The following TRERF1 variants were observed in gnomAD, a reference collection of about 807,000 sequenced individuals.
The protein encoded by TRERF1 is transcriptional-regulating factor 1.
A neutral mutation model predicts 122.9 loss-of-function variants in TRERF1; 27 were observed. That is an observed-to-expected ratio of 0.22 (90% CI 0.16 to 0.30). TRERF1 has a LOEUF of 0.30. Among genes scored for constraint, TRERF1 ranks in the 10% least tolerant of loss-of-function variants. The probability of loss-of-function intolerance (pLI) is 1.00; values close to 1 mark genes in which losing one functional copy is unlikely to be tolerated. For synonymous variants in TRERF1, 636 were observed against 641.7 expected (o/e 0.99, Z 0.13); for missense variants, 1,248 against 1,560.3 (o/e 0.80, Z 3.37).
chr6:42,315,527 G>GGTAGAGGC (rs1194167292), intron 3 of TRERF1, among the ~76,000 whole-genome samples: 1 of 152,158 alleles, frequency 6.6e-6, no homozygotes, highest in Non-Finnish European at 1.5e-5. Flanking sequence ...CAGAAGCAGG[G>GGTAGAGGC]GTAGAGGCAA....
Position 42,341,576 on chromosome 6 carries a change from T to C in TRERF1, c.-371+21421A>G, listed in dbSNP as rs114407830. Among the ~76,000 whole-genome samples the C allele has an allele frequency of 1.9e-3, 294 of 152,324 alleles. 1 individual carries two copies. Among genetic ancestry groups the C allele is most frequent in the African/African-American group, 6.5e-3 (271 of 41,572 alleles). ...CAGGAAGGTATGTTTACCTCAGAGA[T>C]GGGTGCCTGTTCTTTTTCTGGGAGA... On this transcript the variant is annotated intron_variant, in intron 3 of 17. Coordinates refer to ENST00000372922, the Ensembl canonical transcript of TRERF1.
chr6:42,372,131 G>A (rs1276407224), intron 2 of TRERF1, among the ~76,000 whole-genome samples: 3 of 152,098 alleles, frequency 2.0e-5, no homozygotes, highest in African/African-American at 2.4e-5. Context: ...GCAGTGAGCC[G>A]AGATCAAGCC....
At chr6:42,333,857 C>A (rs1009151574) in intron 3 of TRERF1, among the ~76,000 whole-genome samples, 1 of 152,152 alleles carries the variant, frequency 6.6e-6, no homozygotes, top group Admixed American at 6.5e-5. Flanking sequence ...CGAATCCCAA[C>A]GGCCACATCC....
At chr6:42,290,039 A>G (rs1053341088) in intron 4 of TRERF1, among the ~76,000 whole-genome samples, 4 of 152,158 alleles carry the variant, frequency 2.6e-5, no homozygotes, top group African/African-American at 9.7e-5. Flanking sequence ...TGGCAGCTGG[A>G]CCGAGGTTCC....
chr6:42,392,827 G>A (rs1777962975), intron 2 of TRERF1, among the ~76,000 whole-genome samples: 1 of 151,976 alleles, frequency 6.6e-6, no homozygotes, highest in Non-Finnish European at 1.5e-5. Context: ...TCAAACTCAA[G>A]ACAACATATG....
intron 2 of TRERF1, among the ~76,000 whole-genome samples, chr6:42,369,956 C>A (rs951663303): frequency 6.6e-6 from 1 of 152,172 alleles, no homozygotes; most frequent in Non-Finnish European, 1.5e-5. Context: ...TAAACCTACC[C>A]TTCACCTTCC....
At chr6:42,376,583 G>A (rs1420872669) in intron 2 of TRERF1, among the ~76,000 whole-genome samples, 9 of 127,104 alleles carry the variant, frequency 7.1e-5, no homozygotes, top group African/African-American at 1.6e-4. Flanking sequence ...TCACTCTGTC[G>A]CCAGGCTGGA....
chr6:42,356,450 G>A (rs527697753), intron 3 of TRERF1, among the ~76,000 whole-genome samples: 3 of 152,234 alleles, frequency 2.0e-5, no homozygotes, highest in Non-Finnish European at 2.9e-5. Context: ...AAGAGATCAG[G>A]TGAGCACACA....
At chr6:42,290,638 A>G (rs941106497) in intron 4 of TRERF1, among the ~76,000 whole-genome samples, 1 of 151,954 alleles carries the variant, frequency 6.6e-6, no homozygotes, top group Admixed American at 6.6e-5. Flanking sequence ...CATTTTTTTT[A>G]ATTAAAAAAA....
At chr6:42,341,503 G>T (rs1175293826) in intron 3 of TRERF1, among the ~76,000 whole-genome samples, 1 of 152,168 alleles carries the variant, frequency 6.6e-6, no homozygotes, top group Non-Finnish European at 1.5e-5. Context: ...CTAAGGCCCC[G>T]GGAACAGGAG....
At chr6:42,357,572 T>C (rs1354901469) in intron 3 of TRERF1, among the ~76,000 whole-genome samples, 1 of 152,160 alleles carries the variant, frequency 6.6e-6, no homozygotes, top group Non-Finnish European at 1.5e-5. Flanking sequence ...ACGTTAGAAT[T>C]AGGACACCTT....
At chr6:42,262,441 A>G (rs1319550951) in intron 8 of TRERF1, among the ~76,000 whole-genome samples, 11 of 29,488 alleles carry the variant, frequency 3.7e-4, no homozygotes, top group African/African-American at 1.6e-3. Context: ...GGGCAGAGAG[A>G]GAGAGAGAGA....
At chr6:42,272,307 T>C (rs555734777) in intron 4 of TRERF1, among the ~76,000 whole-genome samples, 1 of 152,172 alleles carries the variant, frequency 6.6e-6, no homozygotes, top group South Asian at 2.1e-4. Context: ...AAACTTCAGA[T>C]GAGGGGTTGC....
In TRERF1 at chr6:42,269,268, C is replaced by G. The variant is rs764560358; in HGVS notation, c.323G>C (p.Trp108Ser). The change falls in exon 5 of 18, where the codon TGG (tryptophan) becomes TCG (serine). Residue 108 changes from tryptophan to serine, a missense_variant. Around this residue, in one of 5 missense-constraint regions of TRERF1, gnomAD observed 946 missense variants for 1,073.0 expected, o/e 0.88. Coordinates refer to ENST00000372922, the Ensembl canonical transcript of TRERF1. This position sits in a 1 kb window ranked among gnomAD's most constrained non-coding sequence, Gnocchi z 4.9. ...GGGCTCAGCCTGGGCTGGTGCCCCC[C>G]ACATCATGTTTGAGTTGGCCAGGTT... The G allele has an allele frequency of 1.9e-6, 3 of 1,614,084 alleles. No homozygotes were observed. The highest frequency in any genetic ancestry group is 2.5e-6 in the Non-Finnish European group (3 of 1,180,042).
intron 2 of TRERF1, among the ~76,000 whole-genome samples, chr6:42,435,131 CA>C (rs58270665): frequency 0.24 from 35,015 of 143,220 alleles, 4,384 homozygotes; most frequent in African/African-American, 0.35. Flanking sequence ...AACTCTGTCT[CA>C]AAAAAAAAAG....
chr6:42,262,637 C>T (rs987466707), intron 8 of TRERF1, among the ~76,000 whole-genome samples: 1 of 112,430 alleles, frequency 8.9e-6, no homozygotes, highest in Non-Finnish European at 2.0e-5. Context: ...GCAAATTAAG[C>T]TGTTTGAGTG....
At position 42,271,045 on chromosome 6, in the gene TRERF1, C is replaced by T. The variant is rs189890652; in HGVS notation, c.-258-1197G>A. On this transcript the variant is annotated intron_variant, in intron 4 of 17. Coordinates refer to ENST00000372922, the Ensembl canonical transcript of TRERF1. Reference sequence around the variant, plus strand: ...ATCAAAAATACAAAAATTAGCTGGGCGTGGTGGCAGGCGCTTGTAATCCCA... The same window carrying T: ...ATCAAAAATACAAAAATTAGCTGGGTGTGGTGGCAGGCGCTTGTAATCCCA... Among the ~76,000 whole-genome samples the T allele has an allele frequency of 1.7e-3, 261 of 151,252 alleles. 1 individual carries two copies. The highest frequency in any genetic ancestry group is 5.8e-3 in the African/African-American group (241 of 41,292).
chr6:42,228,200 A>AT lies in TRERF1; in HGVS notation c.*144dup, dbSNP rs961932976. ...TTTAAATAAAAGGAAAAGAAATAGG[A>AT]TTTTTTTTTCTAAACCTGAATAAAA... On this transcript the variant is annotated 3_prime_UTR_variant, in exon 18 of 18. Coordinates refer to ENST00000372922, the Ensembl canonical transcript of TRERF1. The surrounding 1 kb of genome is among the most constrained non-coding windows in gnomAD (Gnocchi z 4.2). 1.5e-3 allele frequency: 1,069 copies of AT among 707,336 alleles called. 1 individual carries two copies. The highest frequency in any genetic ancestry group is 1.7e-3 in the Middle Eastern group (4 of 2,336). 43.8% of individuals were successfully genotyped at this position (707,336 alleles called of 1,614,324 possible).
intron 15 of TRERF1, among the ~76,000 whole-genome samples, chr6:42,237,776 T>G (rs571020472): frequency 4.1e-4 from 63 of 152,290 alleles, no homozygotes; most frequent in Middle Eastern, 3.4e-3. Flanking sequence ...CAGTTTGGAT[T>G]TGGGGTGTGT....
Sources: allele counts gnomAD v4.1 joint callset (sites outside exome capture counted in the v4.1 genomes callset), GRCh38; gene constraint gnomAD v4.1.1; regional missense constraint gnomAD v4.1.1; non-coding constraint Gnocchi (gnomAD v3.1); transcripts MANE v1.5; gene names NCBI Gene and HGNC (gene_info 2026-07-23, HGNC 2026-07-21).